DIAPH1: variants seen among roughly 807,000 people sequenced by gnomAD.
DIAPH1 encodes protein diaphanous homolog 1.
A neutral mutation model predicts 140.7 loss-of-function variants in DIAPH1; 46 were observed. The ratio of observed to expected loss-of-function variants is 0.33; its 90% CI spans 0.26 to 0.42. The LOEUF is 0.42. Ranked by LOEUF, DIAPH1 falls within the 10% of genes least tolerant of loss-of-function variation. The pLI is 1.00. For synonymous variants in DIAPH1, 565 were observed against 551.6 expected (o/e 1.02, Z -0.34); for missense variants, 1,310 against 1,558.7 (o/e 0.84, Z 2.69).
intron 1 of DIAPH1, among the ~76,000 whole-genome samples, chr5:141,589,757 T>G (rs977390055): frequency 3.3e-5 from 5 of 152,210 alleles, no homozygotes; most frequent in Admixed American, 2.6e-4. Flanking sequence ...TTATTCTGTA[T>G]GTTTTACATT....
intron 7 of DIAPH1, among the ~76,000 whole-genome samples, chr5:141,581,256 A>T (rs937805547): frequency 6.6e-6 from 1 of 152,196 alleles, no homozygotes; most frequent in African/African-American, 2.4e-5. Context: ...ACCAGAAACT[A>T]GGAGGGATAT....
At position 141,595,487 on chromosome 5, in the gene DIAPH1, C is replaced by T. The variant is rs527590017; in HGVS notation, c.118-7237G>A. On this transcript the variant is annotated intron_variant, in intron 1 of 27. Transcript: ENST00000389054. ...AATCCCCATATGTCAAGGGCGGGAC[C>T]AGGTGGAGGTAATAGGATCATGGGG... Among the ~76,000 whole-genome samples the T allele has an allele frequency of 9.2e-5, 14 of 152,286 alleles. No individual in the cohort carries two copies. The South Asian group carries it at 2.9e-3, about 32-fold the overall frequency.
At chr5:141,523,579 T>C (rs1290223117) in intron 27 of DIAPH1, among the ~76,000 whole-genome samples, 2 of 152,098 alleles carry the variant, frequency 1.3e-5, no homozygotes, top group Non-Finnish European at 2.9e-5. Context: ...GCAAGGGCAA[T>C]AGAGGCTAAC....
At chr5:141,537,669 G>A (rs1375656787) in intron 18 of DIAPH1, among the ~76,000 whole-genome samples, 5 of 150,726 alleles carry the variant, frequency 3.3e-5, no homozygotes, top group Non-Finnish European at 7.4e-5. Flanking sequence ...TCATGTAGAG[G>A]AAATACTTAA....
intron 19 of DIAPH1, among the ~76,000 whole-genome samples, chr5:141,533,526 T>C (rs1462987010): frequency 6.6e-6 from 1 of 152,196 alleles, no homozygotes; most frequent in Non-Finnish European, 1.5e-5. Context: ...TTAAATTTAA[T>C]TGAAGCCAAG....
At chr5:141,588,185 T>C (rs2099897832) in intron 2 of DIAPH1, 39 bp downstream of exon 2, 1 of 1,564,408 alleles carries the variant, frequency 6.4e-7, no homozygotes, top group Non-Finnish European at 8.8e-7. Context: ...GTGTAGGCAA[T>C]GAGCTAGAAC....
At chr5:141,559,166 CTTAATG>C (rs143992117) in intron 18 of DIAPH1, among the ~76,000 whole-genome samples, 9,975 of 152,140 alleles carry the variant, frequency 0.066, 414 homozygotes, top group South Asian at 0.12. Context: ...GTAAGAGGGT[CTTAATG>C]TTAATATAAG....
intron 18 of DIAPH1, among the ~76,000 whole-genome samples, chr5:141,545,713 A>C (rs1402212972): frequency 1.3e-5 from 2 of 152,204 alleles, no homozygotes; most frequent in Admixed American, 1.3e-4. Flanking sequence ...TAAAGAAATA[A>C]AAGAAATTCC....
In DIAPH1 at chr5:141,571,969, T is replaced by C; in HGVS notation, c.2430A>G (p.Glu810=). The change falls in exon 17 of 28, where the codon GAA becomes GAG. Residue 810 remains glutamate (E), a synonymous_variant. Coordinates refer to ENST00000389054, the MANE Select transcript of DIAPH1 (RefSeq NM_005219.5). ...KVKEDRFENN[E]LFAKLTLTFS... is the part of the protein sequence containing the mutation. ...AGGTAAGGGTAAGTTTGGCGAAAAG[T>C]TCATTGTTCTCAAAGCGGTCCTCCT... is the stretch of plus-strand genomic sequence containing the variant. The C allele has an allele frequency of 1.9e-6, 3 of 1,614,156 alleles. No individual in the cohort carries two copies. Among genetic ancestry groups the C allele is most frequent in the Non-Finnish European group, 2.5e-6 (3 of 1,180,018 alleles).
intron 1 of DIAPH1, among the ~76,000 whole-genome samples, chr5:141,592,177 A>G (rs1444129484): frequency 6.6e-6 from 1 of 152,050 alleles, no homozygotes; most frequent in Non-Finnish European, 1.5e-5. Context: ...TCCACGAGGG[A>G]AAAAAAGCTG....
chr5:141,558,269 T>C (rs1308492267), intron 18 of DIAPH1: 2 of 152,132 alleles, frequency 1.3e-5, no homozygotes, highest in African/African-American at 4.8e-5. Context: ...TGATCAGTAA[T>C]AGTTTCTAGG....
At chr5:141,583,662 T>A (rs1455204898) in intron 4 of DIAPH1, 47 bp from the exon 5 acceptor site, 1 of 1,610,214 alleles carries the variant, frequency 6.2e-7, no homozygotes, top group Non-Finnish European at 8.5e-7. Context: ...GACCCAGTCA[T>A]AAATTAAGGA....
chr5:141,579,091 C>A lies in DIAPH1; in HGVS notation c.930G>T (p.Leu310=). 2 of 1,611,506 alleles carry A rather than the reference C, an allele frequency of 1.2e-6. No homozygotes were observed. The change falls in exon 9 of 28, where the codon CTG becomes CTT. Residue 310 remains leucine, a synonymous_variant. Coordinates refer to ENST00000389054, the MANE Select transcript of DIAPH1 (RefSeq NM_005219.5). ...DGLKSGTTIA[L]KVGCLQLINA... ...CAGTTTCAGGGGATATACATGCCTT[C>A]AGTGCAATAGTGGTTCCACTTTTTA...
chr5:141,524,398 T>G, intron 26 of DIAPH1, 169 bp from the exon 27 acceptor site: 2 of 689,592 alleles, frequency 2.9e-6, no homozygotes, highest in Non-Finnish European at 5.3e-6. Context: ...ACGCTCATGT[T>G]TACTTGTATC....
Position 141,582,222 on chromosome 5 carries a change from C to T in DIAPH1, c.684+90G>A, listed in dbSNP as rs911470757. On this transcript the variant is annotated intron_variant, in intron 7 of 27. Transcript: ENST00000389054. ...AGAGAAAGCTAGAAGTCCTGAACCT[C>T]ATATTCCTAGTTCCTCTTTTGGTTT... The T allele has an allele frequency of 1.4e-5, 13 of 927,562 alleles. No individual in the cohort carries two copies. The Admixed American group carries it at 2.2e-4, about 16-fold the overall frequency. The allele number at this position is 927,562 out of a possible 1,614,324, so 57.5% of individuals were successfully genotyped here.
intron 18 of DIAPH1, among the ~76,000 whole-genome samples, chr5:141,558,118 G>C (rs528036406): frequency 6.6e-6 from 1 of 152,228 alleles, no homozygotes; most frequent in Admixed American, 6.5e-5. Context: ...CAGAGTCCAA[G>C]TTAATTTTGT....
At chr5:141,559,120 A>G (rs2099893118) in intron 18 of DIAPH1, among the ~76,000 whole-genome samples, 1 of 152,170 alleles carries the variant, frequency 6.6e-6, no homozygotes, top group African/African-American at 2.4e-5. Flanking sequence ...TCTATTAAGC[A>G]CTACATCAAC....
rs10646063 is a variant in DIAPH1, at chr5:141,566,895, AAAAACAAAACAAAAC to A, written c.2482+4518_2482+4532del. On this transcript the variant is annotated intron_variant, in intron 18 of 27. Transcript: ENST00000389054. ...GGGCAACAGAGCAAGACTCCATCTC[AAAAACAAAACAAAAC>A]AAAACAAAACAAAACAAAACCACAT... is the stretch of plus-strand genomic sequence containing the variant. 2.1e-4 allele frequency among the ~76,000 whole-genome samples: 31 copies of A among 149,976 alleles called. No homozygotes were observed. In the South Asian group the frequency reaches 5.3e-3, roughly 26 times the overall value.
rs1398513275 is a variant in DIAPH1 at position 141,560,340 on chromosome 5, C to T, written c.2482+11088G>A. The stretch of plus-strand genomic sequence containing the variant: ...GGAAGCAAGCACCTGAGGTTTCTCT[C>T]AACATGCCTGCATTCTTGCCACTCC... On this transcript the variant is annotated intron_variant, in intron 18 of 27. Transcript: ENST00000389054. Among the ~76,000 whole-genome samples, 6 of 152,344 alleles carry T rather than the reference C, an allele frequency of 3.9e-5. No individual in the cohort carries two copies. The Middle Eastern group carries it at 0.01, about 259-fold the overall frequency.
Sources: gnomAD v4.1 joint callset for allele counts (sites outside exome capture counted in the v4.1 genomes callset) on GRCh38, gnomAD v4.1.1 for gene constraint, MANE v1.5 for transcripts, NCBI Gene and HGNC (gene_info 2026-07-23, HGNC 2026-07-21) for gene names.